Variants in HIVEP1 observed in about 807,000 individuals in gnomAD.
The protein encoded by HIVEP1 is zinc finger protein 40.
HIVEP1 carries 36 observed loss-of-function variants against 180.0 expected under a neutral mutation model. The observed-to-expected ratio is 0.20, with a 90% CI of 0.15 to 0.26. HIVEP1 has a LOEUF of 0.26. Ranked by LOEUF, HIVEP1 falls within the 10% of genes least tolerant of loss-of-function variation. The probability of loss-of-function intolerance (pLI) is 1.00; values close to 1 mark genes in which losing one functional copy is unlikely to be tolerated. For synonymous variants in HIVEP1, 1,239 were observed against 1,239.0 expected, an observed-to-expected ratio of 1.00 and a Z score of 0.00; for missense variants, 3,143 against 3,268.7, an observed-to-expected ratio of 0.96 and a Z score of 0.94.
chr6:12,121,179 C>T lies in HIVEP1; in HGVS notation c.1384C>T (p.Leu462=). Residue 462 remains leucine (L), a synonymous_variant, in exon 4 of 9, where the codon CTG becomes TTG. Transcript: ENST00000379388. This position sits in a 1 kb window ranked among gnomAD's most constrained non-coding sequence, Gnocchi z 5.3. ...GAAATCCCACGCACATACTATCAAA[C>T]TGGGTCTTGTCTTGCAACCAGATGC... The part of the protein sequence containing the change: ...HKKSHAHTIK[L]GLVLQPDAGG... 1 of 1,614,080 alleles carries T rather than the reference C, an allele frequency of 6.2e-7. No homozygotes were observed. The highest frequency in any genetic ancestry group is 8.5e-7 in the Non-Finnish European group (1 of 1,180,016).
At chr6:12,007,787 A>AC (rs1312383799), upstream of HIVEP1, 2 of 151,026 alleles carry the variant, frequency 1.3e-5, no homozygotes, top group Non-Finnish European at 2.9e-5. Flanking sequence ...GACTCTGCTC[A>AC]CCCCGTCCTC....
chr6:12,179,067 C>T, the HIVEP1 span, among the ~76,000 whole-genome samples: 12 of 152,042 alleles, frequency 7.9e-5, no homozygotes, highest in Non-Finnish European at 1.6e-4. Context: ...TCGTATATCT[C>T]TATGTAAAAG....
chr6:12,073,687 T>A (rs1171569038), intron 2 of HIVEP1, among the ~76,000 whole-genome samples: 3 of 152,190 alleles, frequency 2.0e-5, no homozygotes, highest in African/African-American at 7.2e-5. Context: ...TCTACATTTT[T>A]ATTGTTATTA....
At chr6:12,207,675 CA>C in the HIVEP1 span, among the ~76,000 whole-genome samples, 1 of 151,404 alleles carries the variant, frequency 6.6e-6, no homozygotes, top group African/African-American at 2.4e-5. Flanking sequence ...GAGGCCAGGG[CA>C]AGGGGCTTAC....
chr6:12,120,004 C>A lies in HIVEP1; in HGVS notation c.209C>A (p.Pro70His). ...ATACCAAAATCCCCACTGAGAAATC[C>A]TCTTCAGGCAAAACATAAACAAAAT... is the stretch of plus-strand genomic sequence containing the variant. ...KKIPKSPLRN[P>H]LQAKHKQNTE... Residue 70 changes from proline to histidine, a missense_variant, in exon 4 of 9, where the codon CCT (proline) becomes CAT (histidine). Physicochemically the swap from Pro to His is moderately conservative, Grantham distance 77. Around this residue, in one of 12 missense-constraint regions of HIVEP1, gnomAD observed 114 missense variants for 134.5 expected, o/e 0.85. Coordinates refer to ENST00000379388, the MANE Select transcript of HIVEP1 (RefSeq NM_002114.4). The A allele has an allele frequency of 6.2e-7, 1 of 1,613,006 alleles. No individual in the cohort carries two copies. Among genetic ancestry groups the A allele is most frequent in the Non-Finnish European group, 8.5e-7 (1 of 1,179,732 alleles).
the HIVEP1 span, among the ~76,000 whole-genome samples, chr6:12,196,306 A>G: frequency 1.0e-3 from 157 of 152,332 alleles, no homozygotes; most frequent in Non-Finnish European, 2.0e-3. Flanking sequence ...TGGAATTCCA[A>G]TAAGAGGTAT....
intron 7 of HIVEP1, 41 bp downstream of exon 7, chr6:12,135,933 A>G (rs369114679): frequency 1.2e-5 from 16 of 1,368,356 alleles, no homozygotes; most frequent in Non-Finnish European, 1.6e-5. Flanking sequence ...GCTATTTATA[A>G]TGTACAATTT....
chr6:12,168,109 G>A (rs1224139001), downstream of HIVEP1, among the ~76,000 whole-genome samples: 4 of 7,472 alleles, frequency 5.4e-4, no homozygotes, highest in Non-Finnish European at 1.5e-3. Context: ...ACGTATATAT[G>A]TATATTATAT....
At chr6:12,053,093 C>T (rs1770641022) in intron 2 of HIVEP1, among the ~76,000 whole-genome samples, 1 of 152,160 alleles carries the variant, frequency 6.6e-6, no homozygotes, top group African/African-American at 2.4e-5. Flanking sequence ...GGAAGACTTT[C>T]TGAGCAGCTG....
chr6:12,132,500 G>A (rs977731789), intron 6 of HIVEP1, among the ~76,000 whole-genome samples: 4 of 152,184 alleles, frequency 2.6e-5, no homozygotes, highest in Non-Finnish European at 5.9e-5. Context: ...CAACCTAGAT[G>A]TGGTAAACCA....
chr6:12,183,241 A>C, the HIVEP1 span, among the ~76,000 whole-genome samples: 2 of 152,346 alleles, frequency 1.3e-5, no homozygotes, highest in East Asian at 3.9e-4. Context: ...GAACAAGAGA[A>C]CAAACAAGGT....
At chr6:12,091,620 C>T (rs1485483865) in intron 3 of HIVEP1, among the ~76,000 whole-genome samples, 1 of 152,064 alleles carries the variant, frequency 6.6e-6, no homozygotes, top group East Asian at 1.9e-4. Flanking sequence ...AGTAAAGAAA[C>T]TGACTTTGCC....
At chr6:12,203,907 T>C in the HIVEP1 span, among the ~76,000 whole-genome samples, 1 of 152,146 alleles carries the variant, frequency 6.6e-6, no homozygotes, top group East Asian at 1.9e-4. Flanking sequence ...AGAAACCCCG[T>C]CTCTACTTAA....
At chr6:12,107,307 CA>C (rs1166361283) in intron 3 of HIVEP1, among the ~76,000 whole-genome samples, 3 of 152,328 alleles carry the variant, frequency 2.0e-5, no homozygotes, top group East Asian at 3.9e-4. Context: ...TCTAATAAAA[CA>C]ATGAGAATAC....
chr6:12,110,015 T>A (rs1368601768), intron 3 of HIVEP1, among the ~76,000 whole-genome samples: 1 of 152,230 alleles, frequency 6.6e-6, no homozygotes, highest in African/African-American at 2.4e-5. Context: ...CCATCAGAGC[T>A]CTTGAATGAC....
At chr6:12,074,372 A>G (rs138375883) in intron 2 of HIVEP1, among the ~76,000 whole-genome samples, 1 of 152,330 alleles carries the variant, frequency 6.6e-6, no homozygotes, top group African/African-American at 2.4e-5. Context: ...ATTTTTCCGT[A>G]TGGCAAAATA....
chr6:12,210,544 A>C, the HIVEP1 span, among the ~76,000 whole-genome samples: 1 of 152,184 alleles, frequency 6.6e-6, no homozygotes, highest in African/African-American at 2.4e-5. Context: ...AATAGAAAAA[A>C]ATCTAGTGAA....
rs760552755 is a variant in HIVEP1, at chr6:12,122,102, G to A, written c.2307G>A (p.Pro769=). 2.8e-5 allele frequency: 45 copies of A among 1,614,058 alleles called. No homozygotes were observed. The highest frequency in any genetic ancestry group is 1.6e-4 in the Middle Eastern group (1 of 6,084). Residue 769 remains proline (P), a synonymous_variant, in exon 4 of 9, where the codon CCG becomes CCA. Coordinates refer to ENST00000379388, the MANE Select transcript of HIVEP1 (RefSeq NM_002114.4). ...VDDKQLDSVK[P]RRTSLSRRGS... ...ACAAGCAACTGGATAGTGTGAAGCC[G>A]CGGAGAACCTCACTGTCAAGACGAG...
chr6:12,021,219 G>A (rs1768180633), intron 2 of HIVEP1, among the ~76,000 whole-genome samples: 1 of 152,124 alleles, frequency 6.6e-6, no homozygotes, highest in South Asian at 2.1e-4. Context: ...TAGCACTGAG[G>A]AATGTGATCA....
Sources: gnomAD v4.1 joint callset for allele counts (sites outside exome capture counted in the v4.1 genomes callset) on GRCh38, gnomAD v4.1.1 for gene constraint, gnomAD v4.1.1 regional missense constraint, Gnocchi (gnomAD v3.1) non-coding constraint, MANE v1.5 for transcripts, NCBI Gene and HGNC (gene_info 2026-07-23, HGNC 2026-07-21) for gene names.